The following NUP107 variants were observed in gnomAD, a reference collection of about 807,000 sequenced individuals.
NUP107 encodes nucleoporin 107.
A neutral mutation model predicts 141.0 loss-of-function variants in NUP107; 101 were observed. That is an observed-to-expected ratio of 0.72 (90% CI 0.61 to 0.84). The LOEUF (loss-of-function observed/expected upper bound fraction) is 0.84, where lower values mean the gene tolerates loss of function less well. Ranked by LOEUF, NUP107 falls within the 40% of genes least tolerant of loss-of-function variation. The pLI, the probability that NUP107 is intolerant of heterozygous loss-of-function variation, is 0.00. For missense variants in NUP107, 941 were observed against 1,102.7 expected, an observed-to-expected ratio of 0.85 and a Z score of 2.08; for synonymous variants, 319 against 363.9, an observed-to-expected ratio of 0.88 and a Z score of 1.41.
intron 22 of NUP107, chr12:68,732,426 A>AT (rs1877869898): frequency 5.1e-6 from 2 of 393,830 alleles, no homozygotes; most frequent in East Asian, 4.1e-5. Flanking sequence ...GTGAGCCAGC[A>AT]TGCCCAGCAG....
intron 8 of NUP107, chr12:68,706,641 G>A: frequency 1.4e-6 from 1 of 717,400 alleles, no homozygotes; most frequent in Non-Finnish European, 2.6e-6. Flanking sequence ...CATCGCAGAT[G>A]CTGAGCAGCA....
intron 11 of NUP107, among the ~76,000 whole-genome samples, chr12:68,715,280 G>T (rs779999390): frequency 6.6e-6 from 1 of 152,206 alleles, no homozygotes; most frequent in Non-Finnish European, 1.5e-5. Flanking sequence ...TGGATCATGA[G>T]GTCAGGAGTT....
chr12:68,742,101 C>A, intron 27 of NUP107, 121 bp downstream of exon 27: 1 of 859,990 alleles, frequency 1.2e-6, no homozygotes, highest in Non-Finnish European at 1.8e-6. Context: ...AAGTAATAGT[C>A]CAGTTTTAAT....
rs778365559 is a variant in NUP107, at chr12:68,742,503, G to C, written c.*41G>C. 5.4e-6 allele frequency: 6 copies of C among 1,104,182 alleles called. No individual in the cohort carries two copies. The highest frequency in any genetic ancestry group is 7.9e-6 in the Non-Finnish European group (6 of 761,178). The allele number at this position is 1,104,182 out of a possible 1,614,324, so 68.4% of individuals were successfully genotyped here. A position where few individuals can be genotyped will look rare whatever the true frequency, so the allele number is the denominator to read the frequency against. ...CTCACTAATTTTCATGATAAATGAAGTTTTTAATAAAATATACTTGTTATT... is the reference window on the plus strand; with the variant it reads ...CTCACTAATTTTCATGATAAATGAACTTTTTAATAAAATATACTTGTTATT... On this transcript the variant is annotated 3_prime_UTR_variant, in exon 28 of 28. Coordinates refer to ENST00000229179, the MANE Select transcript of NUP107 (RefSeq NM_020401.4).
At position 68,742,023 on chromosome 12, in the gene NUP107, T is replaced by TA. The variant is rs769137857; in HGVS notation, c.2670+44dup. The TA allele has an allele frequency of 2.8e-6, 4 of 1,433,864 alleles. No individual in the cohort carries two copies. In the East Asian group the frequency reaches 9.2e-5, roughly 33 times the overall value. The allele number at this position is 1,433,864 out of a possible 1,614,324, so 88.8% of individuals were successfully genotyped here. ...GTAGTTTTAAATTTTAATGATTTGATATGCTCTGTAGTAATATTAATTTTG... is the reference window on the plus strand; with the variant it reads ...GTAGTTTTAAATTTTAATGATTTGATAATGCTCTGTAGTAATATTAATTTTG... On this transcript the variant is annotated intron_variant, in intron 27 of 27. Coordinates refer to ENST00000229179, the MANE Select transcript of NUP107 (RefSeq NM_020401.4).
At chr12:68,705,552 AGAATCACC>A in intron 8 of NUP107, 9 of 249,776 alleles carry the variant, frequency 3.6e-5, no homozygotes, top group South Asian at 9.5e-5. Flanking sequence ...AAAAAAAAAA[AGAATCACC>A]AAGAAGCAGC....
chr12:68,731,316 G>A (rs555115443), intron 21 of NUP107, 56 bp downstream of exon 21: 1 of 1,503,950 alleles, frequency 6.6e-7, no homozygotes, highest in South Asian at 1.3e-5. Flanking sequence ...GTTCATTTTG[G>A]CTGTAGTAAC....
At chr12:68,725,348 T>C (rs1249692230) in intron 17 of NUP107, among the ~76,000 whole-genome samples, 1 of 152,208 alleles carries the variant, frequency 6.6e-6, no homozygotes, top group Admixed American at 6.5e-5. Flanking sequence ...CTGCTGCTCA[T>C]GTTGAAAGAA....
chr12:68,744,032 T>A lies in NUP107; in HGVS notation c.*1570T>A, dbSNP rs900767403. The A allele has an allele frequency of 5.3e-5, 8 of 152,238 alleles. No individual in the cohort carries two copies. The highest frequency in any genetic ancestry group is 1.9e-4 in the African/African-American group (8 of 41,460). The allele number at this position is 152,238 out of a possible 1,614,324, so 9.4% of individuals were successfully genotyped here. A position where few individuals can be genotyped will look rare whatever the true frequency, so the allele number is the denominator to read the frequency against. On this transcript the variant is annotated 3_prime_UTR_variant, in exon 28 of 28. Transcript: ENST00000229179. ...AAGTGAGTCTTAAAAGTAGTTTTGT[T>A]ACTTGCAACAAACTGTATATATAGA...
chr12:68,739,068 T>C (rs1341971621), intron 26 of NUP107, among the ~76,000 whole-genome samples: 1 of 152,128 alleles, frequency 6.6e-6, no homozygotes. Flanking sequence ...CTGCCTAGAA[T>C]GCTCCTTCGC....
At chr12:68,735,134 G>C in intron 25 of NUP107, 97 bp from the exon 26 acceptor site, 1 of 857,256 alleles carries the variant, frequency 1.2e-6, no homozygotes, top group Non-Finnish European at 1.9e-6. Context: ...CAACTCTTTA[G>C]AATGATGTTC....
chr12:68,734,731 GT>G lies in NUP107; in HGVS notation c.2287del (p.Trp763GlyfsTer5), dbSNP rs1379302249. The G allele has an allele frequency of 6.2e-7, 1 of 1,601,444 alleles. No individual in the cohort carries two copies. The highest frequency in any genetic ancestry group is 1.3e-5 in the African/African-American group (1 of 74,406). On this transcript the variant is annotated frameshift_variant, in exon 25 of 28. Transcript: ENST00000229179. LOFTEE classifies it high-confidence loss of function. ...AGGAAGCCCATGAAACCTTTAATGA[GT>G]GGTTTAAGCATATGAATTCAGTTCC... ...YLEAHETFNEWFKHMNSVPQK... is the reference protein window; with the variant it reads ...YLEAHETFNEXFKHMNSVPQK...
chr12:68,702,705 G>A (rs1876390551), intron 7 of NUP107, 31 bp from the exon 8 acceptor site: 1 of 1,478,042 alleles, frequency 6.8e-7, no homozygotes, highest in Non-Finnish European at 9.1e-7. Context: ...TGTGAAATAA[G>A]GCTTTTTTAT....
chr12:68,687,076 C>T lies in NUP107; in HGVS notation c.8+3C>T. 6.2e-7 allele frequency: 1 copy of T among 1,614,152 alleles called. No individual in the cohort carries two copies. The highest frequency in any genetic ancestry group is 1.7e-5 in the Admixed American group (1 of 60,020). ...GAAAAGGCTTTAGCCATGGACAGGT[C>T]AGTACTGATGGTGGCAGCTGAGCCC... On this transcript the variant is annotated splice_donor_region_variant and intron_variant, in intron 1 of 27. Coordinates refer to ENST00000229179, the MANE Select transcript of NUP107 (RefSeq NM_020401.4).
chr12:68,728,785 A>G (rs188526105), intron 20 of NUP107, among the ~76,000 whole-genome samples: 68 of 151,896 alleles, frequency 4.5e-4, no homozygotes, highest in African/African-American at 1.6e-3. Flanking sequence ...AGAATAAATA[A>G]TAAAAATCAT....
chr12:68,731,026 GA>G (rs1293126753), intron 20 of NUP107, 83 bp from the exon 21 acceptor site: 1 of 838,204 alleles, frequency 1.2e-6, no homozygotes, highest in African/African-American at 1.7e-5. Context: ...ACATCTGTAT[GA>G]ACCTCTCCTG....
chr12:68,745,426 G>C lies in NUP107; in HGVS notation c.*2964G>C, dbSNP rs1006341625. ...TAATCTTTCTTTATCGACTTAAGGA[G>C]GAAGGAGAAAGGAAGAACCTGACTT... On this transcript the variant is annotated 3_prime_UTR_variant, in exon 28 of 28. Coordinates refer to ENST00000229179, the MANE Select transcript of NUP107 (RefSeq NM_020401.4). The C allele has an allele frequency of 1.3e-5, 2 of 152,120 alleles. No homozygotes were observed. Among genetic ancestry groups the C allele is most frequent in the African/African-American group, 4.8e-5 (2 of 41,418 alleles). 9.4% of individuals were successfully genotyped at this position (152,120 alleles called of 1,614,324 possible).
chr12:68,700,859 G>A lies in NUP107; in HGVS notation c.680+6G>A, dbSNP rs1876297553. ...CTGCTGGCTTCTTTGTATAGGTAAT[G>A]GCGTCTAGAATTCATAAGTGAAATA... On this transcript the variant is annotated splice_donor_region_variant and intron_variant, in intron 7 of 27. Coordinates refer to ENST00000229179, the MANE Select transcript of NUP107 (RefSeq NM_020401.4). 2 of 1,573,396 alleles carry A rather than the reference G, an allele frequency of 1.3e-6. No individual in the cohort carries two copies.
rs77300767 is a variant in NUP107 at position 68,744,198 on chromosome 12, T to C, written c.*1736T>C. 30,082 of 152,078 alleles carry C rather than the reference T, an allele frequency of 0.2. 3,778 individuals carry two copies. The highest frequency in any genetic ancestry group is 0.47 in the South Asian group (2,281 of 4,810). 9.4% of individuals were successfully genotyped at this position (152,078 alleles called of 1,614,324 possible). A position where few individuals can be genotyped will look rare whatever the true frequency, so the allele number is the denominator to read the frequency against. ...ACCGTATGTGGGTAAATGGACAAGGTCTGTCATCTATTTAGGAACTTGTTT... is the reference window on the plus strand; with the variant it reads ...ACCGTATGTGGGTAAATGGACAAGGCCTGTCATCTATTTAGGAACTTGTTT... On this transcript the variant is annotated 3_prime_UTR_variant, in exon 28 of 28. Coordinates refer to ENST00000229179, the MANE Select transcript of NUP107 (RefSeq NM_020401.4).
Sources: allele counts gnomAD v4.1 joint callset (sites outside exome capture counted in the v4.1 genomes callset), GRCh38; gene constraint gnomAD v4.1.1; transcripts MANE v1.5; gene names NCBI Gene and HGNC (gene_info 2026-07-23, HGNC 2026-07-21).